TNNI3K: variants seen among roughly 807,000 people sequenced by gnomAD.
The protein encoded by TNNI3K is TNNI3 interacting kinase, also known as serine/threonine-protein kinase TNNI3K.
A neutral mutation model predicts 114.5 loss-of-function variants in TNNI3K; 140 were observed. The observed-to-expected ratio is 1.22, with a 90% CI of 1.07 to 1.41. The LOEUF (loss-of-function observed/expected upper bound fraction) is 1.41. Among genes scored for constraint, TNNI3K ranks in the 40% most tolerant of loss-of-function variants. The pLI is 0.00. For missense variants in TNNI3K, 1,125 were observed against 1,007.6 expected (o/e 1.12, Z -1.58); for synonymous variants, 347 against 347.5 (o/e 1.00, Z 0.02).
chr1:74,249,384 C>A, intron 2 of TNNI3K, 75 bp from the exon 3 acceptor site: 1 of 1,443,294 alleles, frequency 6.9e-7, no homozygotes, highest in Non-Finnish European at 9.5e-7. Flanking sequence ...ACAGGATTTG[C>A]ATTTATAATT....
chr1:74,311,247 A>G lies in TNNI3K; in HGVS notation c.445-20203A>G, dbSNP rs573729648. Among the ~76,000 whole-genome samples, 5 of 152,292 alleles carry G rather than the reference A, an allele frequency of 3.3e-5. No individual in the cohort carries two copies. The East Asian group carries it at 5.8e-4, about 18-fold the overall frequency. ...TTATTCTTCTTTCAGAAATGTGAGC[A>G]ATTAGGAGTTAGAGTGAGTTATACT... On this transcript the variant is annotated intron_variant, in intron 5 of 24. Transcript: ENST00000326637.
chr1:74,369,263 C>A lies in TNNI3K; in HGVS notation c.1471C>A (p.Arg491Ser), dbSNP rs79936844. ...CAGAAATAAAATAGTGGCTATAAAA[C>A]GGTAAGCAAGCAAATGAAAAAATTT... ...RCRNKIVAIKRYRANTYCSKS... is the reference protein window; with the variant it reads ...RCRNKIVAIKSYRANTYCSKS... The change falls in exon 15 of 25, where the codon CGT (arginine) becomes AGT (serine). Residue 491 changes from arginine (R) to serine (S), a missense_variant and splice_region_variant. Physicochemically the swap from Arg to Ser is moderately radical, Grantham distance 110. Coordinates refer to ENST00000326637, the MANE Select transcript of TNNI3K (RefSeq NM_015978.3). 1 of 1,611,884 alleles carries A rather than the reference C, an allele frequency of 6.2e-7. No individual in the cohort carries two copies. Among genetic ancestry groups the A allele is most frequent in the Non-Finnish European group, 8.5e-7 (1 of 1,178,958 alleles).
In TNNI3K at chr1:74,247,396, A is replaced by G. The variant is rs1855184; in HGVS notation, c.150-2063A>G. 3.9e-5 allele frequency among the ~76,000 whole-genome samples: 6 copies of G among 152,140 alleles called. No homozygotes were observed. In the South Asian group the frequency reaches 1.2e-3, roughly 32 times the overall value. ...GGTGAGTGTTACAGCTTATAAAGGC[A>G]GTGCGGACCCAAAGAGTGAGAAGCA... On this transcript the variant is annotated intron_variant, in intron 2 of 24. Coordinates refer to ENST00000326637, the MANE Select transcript of TNNI3K (RefSeq NM_015978.3).
chr1:74,485,112 G>A (rs917376950), intron 21 of TNNI3K, among the ~76,000 whole-genome samples: 1 of 152,162 alleles, frequency 6.6e-6, no homozygotes, highest in Non-Finnish European at 1.5e-5. Context: ...TTTCTAGCTA[G>A]TGATAGACAT....
chr1:74,454,468 A>G (rs1667150650), intron 20 of TNNI3K, among the ~76,000 whole-genome samples: 1 of 152,000 alleles, frequency 6.6e-6, no homozygotes, highest in African/African-American at 2.4e-5. Context: ...AGAACATGTG[A>G]TATTTGTTTT....
chr1:74,465,226 T>C (rs544611295), intron 21 of TNNI3K, among the ~76,000 whole-genome samples: 85 of 152,328 alleles, frequency 5.6e-4, no homozygotes, highest in African/African-American at 2.0e-3. Context: ...GGAACCCCTC[T>C]CTGGGCTGGC....
intron 20 of TNNI3K, among the ~76,000 whole-genome samples, chr1:74,448,413 G>T (rs1433042048): frequency 6.8e-6 from 1 of 147,682 alleles, no homozygotes; most frequent in Non-Finnish European, 1.5e-5. Context: ...CTGCAAACAG[G>T]GACAATTGAC....
At chr1:74,474,350 A>G (rs904446555) in intron 21 of TNNI3K, among the ~76,000 whole-genome samples, 8 of 152,092 alleles carry the variant, frequency 5.3e-5, no homozygotes, top group African/African-American at 1.9e-4. Flanking sequence ...GAAATCATCA[A>G]CCCCCAGACA....
chr1:74,480,279 T>G (rs112024313), intron 21 of TNNI3K: 11 of 717,496 alleles, frequency 1.5e-5, no homozygotes, highest in Non-Finnish European at 2.1e-5. Flanking sequence ...CTCAGCACAC[T>G]CTGTGCAGCT....
At chr1:74,384,726 A>T (rs1663384736) in intron 17 of TNNI3K, among the ~76,000 whole-genome samples, 1 of 152,156 alleles carries the variant, frequency 6.6e-6, no homozygotes, top group African/African-American at 2.4e-5. Flanking sequence ...CTAAAATCAG[A>T]TTCATGTGAA....
intron 17 of TNNI3K, among the ~76,000 whole-genome samples, chr1:74,378,390 A>G (rs556110590): frequency 2.6e-5 from 4 of 151,412 alleles, no homozygotes; most frequent in Non-Finnish European, 4.4e-5. Context: ...TGAAATTTGC[A>G]TCTTGATTGT....
At position 74,436,144 on chromosome 1, in the gene TNNI3K, C is replaced by CA. The variant is rs758965738; in HGVS notation, c.1825+16dup. 29 of 1,609,264 alleles carry CA rather than the reference C, an allele frequency of 1.8e-5. 1 individual carries two copies. In the South Asian group the frequency reaches 3.2e-4, roughly 18 times the overall value. Reference sequence around the variant, plus strand: ...GGCAGATTTTGGAGGTGAGATACCCCAAAATGGCATCCTTTTTTTCTTTGT... The same window carrying CA: ...GGCAGATTTTGGAGGTGAGATACCCCAAAAATGGCATCCTTTTTTTCTTTGT... On this transcript the variant is annotated intron_variant, in intron 18 of 24. Coordinates refer to ENST00000326637, the MANE Select transcript of TNNI3K (RefSeq NM_015978.3).
chr1:74,486,372 G>A (rs1668765288), intron 21 of TNNI3K, among the ~76,000 whole-genome samples: 1 of 152,026 alleles, frequency 6.6e-6, no homozygotes, highest in African/African-American at 2.4e-5. Context: ...CTGTAGGAGG[G>A]TTGATCTAAT....
chr1:74,348,704 G>C (rs1661159452), intron 9 of TNNI3K, among the ~76,000 whole-genome samples: 1 of 152,092 alleles, frequency 6.6e-6, no homozygotes, highest in Non-Finnish European at 1.5e-5. Flanking sequence ...TCCTTGAAGA[G>C]GTCCTTCACA....
rs193289307 is a variant in TNNI3K, at chr1:74,523,169, A to G, written c.2352-17065A>G. Among the ~76,000 whole-genome samples, 5 of 152,336 alleles carry G rather than the reference A, an allele frequency of 3.3e-5. No individual in the cohort carries two copies. In the East Asian group the frequency reaches 7.7e-4, roughly 24 times the overall value. ...CCCTCAGTTTCTTCAAGAAAACAAT[A>G]TATATAATAATACCGATACCACACA... On this transcript the variant is annotated intron_variant, in intron 23 of 24. Coordinates refer to ENST00000326637, the MANE Select transcript of TNNI3K (RefSeq NM_015978.3).
intron 17 of TNNI3K, among the ~76,000 whole-genome samples, chr1:74,420,087 T>A (rs764506950): frequency 6.6e-5 from 10 of 151,966 alleles, no homozygotes; most frequent in Non-Finnish European, 1.3e-4. Flanking sequence ...CTTTGATTCC[T>A]TAGTATATAG....
At chr1:74,467,282 A>G (rs1284269799) in intron 21 of TNNI3K, among the ~76,000 whole-genome samples, 1 of 152,078 alleles carries the variant, frequency 6.6e-6, no homozygotes, top group Non-Finnish European at 1.5e-5. Context: ...TAGATGGAGG[A>G]CACTAACATC....
intron 11 of TNNI3K, among the ~76,000 whole-genome samples, chr1:74,362,985 G>A (rs1005640429): frequency 6.6e-6 from 1 of 152,040 alleles, no homozygotes; most frequent in African/African-American, 2.4e-5. Context: ...TAATAACATA[G>A]CGACCTTCTA....
intron 23 of TNNI3K, among the ~76,000 whole-genome samples, chr1:74,529,012 A>C (rs532526321): frequency 1.3e-5 from 2 of 152,236 alleles, no homozygotes; most frequent in Non-Finnish European, 2.9e-5. Flanking sequence ...GTGGTCAACT[A>C]TGAGTTAATT....
Sources: gnomAD v4.1 joint callset for allele counts (sites outside exome capture counted in the v4.1 genomes callset) on GRCh38, gnomAD v4.1.1 for gene constraint, MANE v1.5 for transcripts, NCBI Gene and HGNC (gene_info 2026-07-23, HGNC 2026-07-21) for gene names.